The following VWA8 variants were observed in gnomAD, a reference collection of about 807,000 sequenced individuals.
VWA8 encodes the protein von Willebrand factor A domain containing 8.
VWA8 carries 221 observed loss-of-function variants against 241.5 expected under a neutral mutation model. That is an observed-to-expected ratio of 0.91 (90% CI 0.82 to 1.02). The LOEUF (loss-of-function observed/expected upper bound fraction) is 1.02. Ranked by LOEUF, VWA8 falls within the 50% of genes least tolerant of loss-of-function variation. The pLI is 0.00. For missense variants in VWA8, 2,322 were observed against 2,328.7 expected (o/e 1.00, Z 0.06); for synonymous variants, 852 against 827.1 (o/e 1.03, Z -0.52).
chr13:41,827,528 G>T (rs1204743980), intron 14 of VWA8, among the ~76,000 whole-genome samples: 3 of 152,170 alleles, frequency 2.0e-5, no homozygotes, highest in Non-Finnish European at 4.4e-5. Flanking sequence ...TATGACAGGG[G>T]ATGGTATTTT....
At chr13:41,928,051 C>T (rs1430665069) in intron 2 of VWA8, among the ~76,000 whole-genome samples, 3 of 152,266 alleles carry the variant, frequency 2.0e-5, no homozygotes, top group Middle Eastern at 3.4e-3. Flanking sequence ...TTCAAGGGAA[C>T]ATAACAATTA....
At chr13:41,761,850 G>A (rs1002560430) in intron 20 of VWA8, among the ~76,000 whole-genome samples, 2 of 151,860 alleles carry the variant, frequency 1.3e-5, no homozygotes, top group African/African-American at 2.4e-5. Context: ...TGTTAAAAAT[G>A]GAATCCACCC....
intron 17 of VWA8, among the ~76,000 whole-genome samples, chr13:41,792,557 C>T (rs1869507585): frequency 6.6e-6 from 1 of 151,870 alleles, no homozygotes; most frequent in Non-Finnish European, 1.5e-5. Flanking sequence ...TAAGTATACC[C>T]TCATTAATCT....
At chr13:41,911,245 G>A (rs529753554) in intron 3 of VWA8, among the ~76,000 whole-genome samples, 20 of 151,990 alleles carry the variant, frequency 1.3e-4, no homozygotes, top group African/African-American at 4.3e-4. Flanking sequence ...TGTATTTTTA[G>A]TAGAGCCGAG....
chr13:41,950,921 G>A (rs1445306220), intron 1 of VWA8, among the ~76,000 whole-genome samples: 15 of 150,982 alleles, frequency 9.9e-5, no homozygotes, highest in South Asian at 2.1e-4. Flanking sequence ...CGCCCACCTC[G>A]GCCTCCCAAA....
At chr13:41,875,739 T>C (rs1052220843) in intron 9 of VWA8, among the ~76,000 whole-genome samples, 4 of 152,092 alleles carry the variant, frequency 2.6e-5, no homozygotes, top group African/African-American at 9.6e-5. Flanking sequence ...AGTGGAACTT[T>C]TTATTTTCTA....
At position 41,868,371 on chromosome 13, in the gene VWA8, A is replaced by AT. The variant is rs1209923189; in HGVS notation, c.1186dup (p.Ile396AsnfsTer4). The AT allele has an allele frequency of 6.2e-7, 1 of 1,614,148 alleles. No homozygotes were observed. Among genetic ancestry groups the AT allele is most frequent in the South Asian group, 1.1e-5 (1 of 91,078 alleles). The stretch of plus-strand genomic sequence containing the variant: ...CTTAATGGTCACCTCTTTATCTGCA[A>AT]TCCGGATGGTCACAGAAGCTTGGGA... On this transcript the variant is annotated frameshift_variant, in exon 10 of 45. Coordinates refer to ENST00000379310, the MANE Select transcript of VWA8 (RefSeq NM_015058.2). LOFTEE classifies it high-confidence loss of function.
At chr13:41,736,278 A>G (rs1000841186) in intron 21 of VWA8, among the ~76,000 whole-genome samples, 5 of 152,218 alleles carry the variant, frequency 3.3e-5, no homozygotes, top group Non-Finnish European at 5.9e-5. Flanking sequence ...GCCTGTGTCA[A>G]TAAAGGCGCT....
intron 7 of VWA8, among the ~76,000 whole-genome samples, chr13:41,886,580 T>G (rs1210304953): frequency 1.3e-5 from 2 of 152,182 alleles, no homozygotes; most frequent in Non-Finnish European, 2.9e-5. Context: ...ACCAAAGCTA[T>G]TCACATATCT....
chr13:41,905,709 G>A (rs1234823546), intron 4 of VWA8, among the ~76,000 whole-genome samples: 1 of 151,938 alleles, frequency 6.6e-6, no homozygotes, highest in African/African-American at 2.4e-5. Flanking sequence ...ACACATTCTA[G>A]ATCAGTCTGA....
chr13:41,755,194 T>C (rs552913261), intron 21 of VWA8, among the ~76,000 whole-genome samples: 1 of 152,100 alleles, frequency 6.6e-6, no homozygotes, highest in African/African-American at 2.4e-5. Context: ...CAAACTGTTC[T>C]CCATAGTGGT....
rs548417044 is a variant in VWA8 at position 41,693,675 on chromosome 13, G to GT, written c.3565-704dup. 1.5e-4 allele frequency among the ~76,000 whole-genome samples: 22 copies of GT among 151,700 alleles called. No homozygotes were observed. The East Asian group carries it at 2.5e-3, about 17-fold the overall frequency. ...TGTAATCTTTCAGTAATTAGGATAC[G>GT]TTTTTTTAAGAAAATAAATAAACCT... On this transcript the variant is annotated intron_variant, in intron 29 of 44. Coordinates refer to ENST00000379310, the MANE Select transcript of VWA8 (RefSeq NM_015058.2).
intron 8 of VWA8, among the ~76,000 whole-genome samples, chr13:41,885,211 C>T (rs754386403): frequency 1.3e-5 from 2 of 152,236 alleles, no homozygotes; most frequent in Admixed American, 6.5e-5. Flanking sequence ...CTACCACACA[C>T]ACTTGCTTTA....
chr13:41,907,982 T>C (rs1875806764), intron 3 of VWA8, among the ~76,000 whole-genome samples: 1 of 152,216 alleles, frequency 6.6e-6, no homozygotes, highest in African/African-American at 2.4e-5. Flanking sequence ...CCTGTAGAAT[T>C]ATTTCCAAAT....
chr13:41,929,188 C>T (rs1876992633), intron 2 of VWA8, among the ~76,000 whole-genome samples: 1 of 142,136 alleles, frequency 7.0e-6, no homozygotes, highest in Non-Finnish European at 1.5e-5. Flanking sequence ...TAGGGTCTCA[C>T]TCTGTCACTC....
chr13:41,948,719 A>C (rs932982450), intron 2 of VWA8, among the ~76,000 whole-genome samples: 4 of 152,274 alleles, frequency 2.6e-5, no homozygotes, highest in African/African-American at 9.6e-5. Flanking sequence ...TGACATATCA[A>C]CTCAACTCCT....
At chr13:41,800,109 T>C (rs1474153604) in intron 17 of VWA8, among the ~76,000 whole-genome samples, 1 of 152,256 alleles carries the variant, frequency 6.6e-6, no homozygotes, top group Non-Finnish European at 1.5e-5. Context: ...ATAACATGTA[T>C]CAATACTTCA....
chr13:41,928,911 A>C (rs1457877093), intron 2 of VWA8, among the ~76,000 whole-genome samples: 21 of 152,110 alleles, frequency 1.4e-4, no homozygotes, highest in Non-Finnish European at 2.9e-5. Context: ...AGGAATAAAA[A>C]GGAACATAAG....
chr13:41,739,827 GTTTTTTTTTTTGTTTTTTTTGTTTTTTTT>G (rs2045553295), intron 21 of VWA8, among the ~76,000 whole-genome samples: 1 of 88,988 alleles, frequency 1.1e-5, no homozygotes. Context: ...TTGTTTTTTT[GTTTTTTTTTTTGTTTTTTTTGTTTTTTTT>G]GTTTTTTTTT....
Sources: allele counts gnomAD v4.1 joint callset (sites outside exome capture counted in the v4.1 genomes callset), GRCh38; gene constraint gnomAD v4.1.1; transcripts MANE v1.5; gene names NCBI Gene and HGNC (gene_info 2026-07-23, HGNC 2026-07-21).